MSI2: variants seen among roughly 807,000 people sequenced by gnomAD.
The protein encoded by MSI2 is RNA-binding protein Musashi homolog 2.
In MSI2, 17 loss-of-function variants were observed where a neutral mutation model predicts 45.6. The ratio of observed to expected loss-of-function variants is 0.37; its 90% confidence interval spans 0.26 to 0.56. The LOEUF is 0.56. MSI2 is among the 20% of genes least tolerant of loss of function. The pLI is 0.77. For missense variants in MSI2, 293 were observed against 444.2 expected, an observed-to-expected ratio of 0.66 and a Z score of 3.06; for synonymous variants, 156 against 158.2, an observed-to-expected ratio of 0.99 and a Z score of 0.11.
At chr17:57,375,485 A>T (rs1470013004) in intron 5 of MSI2, among the ~76,000 whole-genome samples, 1 of 152,182 alleles carries the variant, frequency 6.6e-6, no homozygotes, top group Non-Finnish European at 1.5e-5. Context: ...AGAAATGGTG[A>T]TGGAATACGG....
At chr17:57,601,121 T>C (rs535981840) in intron 8 of MSI2, 1 of 152,380 alleles carries the variant, frequency 6.6e-6, no homozygotes, top group African/African-American at 2.4e-5. Flanking sequence ...CAGTCAGCTA[T>C]GTCGTGGCCC....
chr17:57,692,624 G>A, the MSI2 span, among the ~76,000 whole-genome samples: 2 of 151,996 alleles, frequency 1.3e-5, no homozygotes, highest in African/African-American at 4.8e-5. Flanking sequence ...CTGGTAATGA[G>A]TTTTTGGTTT....
At chr17:57,293,595 G>GTTTTTTTTTTTTTGTTTTTTTTTTTTTT (rs71139983) in intron 5 of MSI2, among the ~76,000 whole-genome samples, 1 of 134,724 alleles carries the variant, frequency 7.4e-6, no homozygotes, top group African/African-American at 3.0e-5. Context: ...TTGTTTTTTT[G>GTTTTTTTTTTTTTGTTTTTTTTTTTTTT]TTTTTTTTTT....
At chr17:57,313,110 G>C (rs895812092) in intron 5 of MSI2, among the ~76,000 whole-genome samples, 1 of 152,192 alleles carries the variant, frequency 6.6e-6, no homozygotes, top group Non-Finnish European at 1.5e-5. Context: ...CTCCCAAAGT[G>C]CTGGGATTAC....
At chr17:57,439,693 G>A (rs2143453304) in intron 6 of MSI2, among the ~76,000 whole-genome samples, 1 of 152,164 alleles carries the variant, frequency 6.6e-6, no homozygotes, top group South Asian at 2.1e-4. Flanking sequence ...TGAGTAGCTG[G>A]GATTACAGGC....
intron 11 of MSI2, among the ~76,000 whole-genome samples, chr17:57,669,870 G>A (rs958950410): frequency 1.4e-4 from 21 of 152,158 alleles, no homozygotes; most frequent in Admixed American, 4.6e-4. Flanking sequence ...TCTCTCTCCC[G>A]GAAATGTACC....
At chr17:57,260,202 A>T (rs915842262) in intron 4 of MSI2, 1 of 152,126 alleles carries the variant, frequency 6.6e-6, no homozygotes, top group Non-Finnish European at 1.5e-5. Context: ...GTTGACAGGG[A>T]TGTGCAAAAG....
chr17:57,646,072 A>G (rs1910635505), intron 10 of MSI2, among the ~76,000 whole-genome samples: 1 of 152,160 alleles, frequency 6.6e-6, no homozygotes, highest in Non-Finnish European at 1.5e-5. Flanking sequence ...ACCCTCATCC[A>G]CTGCATCAGA....
intron 5 of MSI2, among the ~76,000 whole-genome samples, chr17:57,287,731 G>A (rs1346572122): frequency 1.3e-5 from 2 of 152,216 alleles, no homozygotes; most frequent in African/African-American, 2.4e-5. Context: ...GCAGTCAAAT[G>A]GATTCCATGG....
intron 8 of MSI2, among the ~76,000 whole-genome samples, chr17:57,606,861 A>G (rs1906643539): frequency 7.1e-6 from 1 of 140,874 alleles, no homozygotes; most frequent in African/African-American, 2.7e-5. Context: ...GGTTGGGTGG[A>G]GAGTGTGGGG....
At chr17:57,412,199 G>A (rs926970700) in intron 6 of MSI2, among the ~76,000 whole-genome samples, 1 of 151,738 alleles carries the variant, frequency 6.6e-6, no homozygotes, top group African/African-American at 2.4e-5. Flanking sequence ...CACCACGCCT[G>A]AATAATTTTT....
chr17:57,437,891 C>T (rs1246021106), intron 6 of MSI2, among the ~76,000 whole-genome samples: 4 of 152,096 alleles, frequency 2.6e-5, no homozygotes, highest in Non-Finnish European at 1.5e-5. Flanking sequence ...ACAATGGTCT[C>T]ACCTTCATGG....
chr17:57,614,137 A>G (rs1383350323), intron 8 of MSI2, among the ~76,000 whole-genome samples: 3 of 151,482 alleles, frequency 2.0e-5, no homozygotes, highest in African/African-American at 4.9e-5. Flanking sequence ...TACACCCTCC[A>G]CCTCCCGGGT....
At position 57,408,414 on chromosome 17, in the gene MSI2, C is replaced by T. The variant is rs745491732; in HGVS notation, c.405+6943C>T. 1.4e-4 allele frequency among the ~76,000 whole-genome samples: 22 copies of T among 152,228 alleles called. 1 individual carries two copies. Among genetic ancestry groups the T allele is most frequent in the Non-Finnish European group, 7.3e-5 (5 of 68,046 alleles). On this transcript the variant is annotated intron_variant, in intron 6 of 13. Coordinates refer to ENST00000284073, the MANE Select transcript of MSI2 (RefSeq NM_138962.4). ...GCTAATCAAATGCCATGTGCATTTG[C>T]ATAGTAGGTAGAGGAACAAGGCCGA...
chr17:57,486,713 G>A (rs988867363), intron 6 of MSI2, among the ~76,000 whole-genome samples: 1 of 152,056 alleles, frequency 6.6e-6, no homozygotes, highest in Non-Finnish European at 1.5e-5. Flanking sequence ...TACAAATGGC[G>A]GTCCATCCTG....
At chr17:57,501,202 C>T (rs574068018) in intron 6 of MSI2, among the ~76,000 whole-genome samples, 9 of 152,230 alleles carry the variant, frequency 5.9e-5, no homozygotes, top group South Asian at 4.1e-4. Context: ...CCCTGGGGCC[C>T]GAGCCCTCAA....
intron 6 of MSI2, among the ~76,000 whole-genome samples, chr17:57,509,781 G>A (rs897184176): frequency 5.9e-5 from 9 of 151,656 alleles, no homozygotes; most frequent in African/African-American, 1.7e-4. Context: ...AGCAAATGCA[G>A]TCCCCCCATG....
At chr17:57,442,626 C>T (rs1446901068) in intron 6 of MSI2, among the ~76,000 whole-genome samples, 1 of 152,146 alleles carries the variant, frequency 6.6e-6, no homozygotes, top group Non-Finnish European at 1.5e-5. Context: ...AACCCACAAC[C>T]CCAGGTTCTG....
chr17:57,567,215 A>G (rs2087756351), intron 7 of MSI2, among the ~76,000 whole-genome samples: 1 of 152,212 alleles, frequency 6.6e-6, no homozygotes, highest in Non-Finnish European at 1.5e-5. Context: ...TCTAATTAGT[A>G]TGAAGTCAAT....
Sources: gnomAD v4.1 joint callset for allele counts (sites outside exome capture counted in the v4.1 genomes callset) on GRCh38, gnomAD v4.1.1 for gene constraint, MANE v1.5 for transcripts, NCBI Gene and HGNC (gene_info 2026-07-23, HGNC 2026-07-21) for gene names.